The following TCP1 variants were observed in gnomAD, a reference collection of about 807,000 sequenced individuals.
TCP1 encodes the protein T-complex protein 1 subunit alpha.
In TCP1, 6 loss-of-function variants were observed where a neutral mutation model predicts 54.7. The ratio of observed to expected loss-of-function variants is 0.11; its 90% CI spans 0.06 to 0.22. The LOEUF (loss-of-function observed/expected upper bound fraction) is 0.22, where lower values mean the gene tolerates loss of function less well. Ranked by LOEUF, TCP1 falls within the 10% of genes least tolerant of loss-of-function variation. The pLI is 1.00. For synonymous variants in TCP1, 225 were observed against 229.7 expected, an observed-to-expected ratio of 0.98 and a Z score of 0.19; for missense variants, 511 against 678.2, an observed-to-expected ratio of 0.75 and a Z score of 2.74.
rs372982294 is a variant in TCP1 at position 159,780,543 on chromosome 6, T to C, written c.997A>G (p.Asn333Asp). The part of the protein sequence containing the change: ...SGATILSTLA[N>D]LEGEETFEAA... ...TCAAAAGTTTCTTCACCTTCCAAATTGGCCAGGGTTGACAGAATAGTTGCT... is the reference window on the plus strand; with the variant it reads ...TCAAAAGTTTCTTCACCTTCCAAATCGGCCAGGGTTGACAGAATAGTTGCT... Residue 333 changes from asparagine to aspartate, a missense_variant, in exon 9 of 12, where the codon AAT (asparagine) becomes GAT (aspartate). By Grantham distance (23) the Asn-to-Asp change is conservative (BLOSUM62 1). This residue lies in a region of TCP1 where 305 missense variants were observed against 352.8 expected (regional missense o/e 0.86). Coordinates refer to ENST00000321394, the MANE Select transcript of TCP1 (RefSeq NM_030752.3). 6.2e-7 allele frequency: 1 copy of C among 1,613,750 alleles called. No homozygotes were observed.
At chr6:159,787,151 G>A (rs1780719074) in intron 3 of TCP1, among the ~76,000 whole-genome samples, 1 of 151,814 alleles carries the variant, frequency 6.6e-6, no homozygotes, top group Non-Finnish European at 1.5e-5. Flanking sequence ...CACTCTGGGA[G>A]GCTAAGGCAG....
chr6:159,788,270 T>C, intron 1 of TCP1, 127 bp from the exon 2 acceptor site: 1 of 869,482 alleles, frequency 1.2e-6, no homozygotes, highest in Middle Eastern at 2.2e-4. Context: ...CAAATCTGTG[T>C]TAATTATTTA....
intron 1 of TCP1, chr6:159,788,440 G>C (rs946237290): frequency 3.2e-6 from 1 of 316,664 alleles, no homozygotes; most frequent in Non-Finnish European, 6.1e-6. Flanking sequence ...TAAAAACAAA[G>C]CCGGATGCGG....
chr6:159,780,132 A>AT lies in TCP1; in HGVS notation c.1098-46dup, dbSNP rs752669563. On this transcript the variant is annotated intron_variant, in intron 9 of 11. Coordinates refer to ENST00000321394, the MANE Select transcript of TCP1 (RefSeq NM_030752.3). ...AATTCTTGTAATAGCATTTTTAAAA[A>AT]TTTTTTTTTGCCAAGACCATCAATT... 5.9e-5 allele frequency: 93 copies of AT among 1,569,340 alleles called. No homozygotes were observed. In the South Asian group the frequency reaches 6.0e-4, roughly 10 times the overall value.
rs1243753656 is a variant in TCP1 at position 159,778,813 on chromosome 6, G to A, written c.*232C>T. ...GGGGGTGGGATGGGAATAGCAATGT[G>A]TGTTCAGAGAGAATGAATTGCTTAA... is the stretch of plus-strand genomic sequence containing the variant. On this transcript the variant is annotated 3_prime_UTR_variant, in exon 12 of 12. Transcript: ENST00000321394. The A allele has an allele frequency of 1.2e-6, 2 of 1,614,180 alleles. No individual in the cohort carries two copies. The highest frequency in any genetic ancestry group is 1.7e-6 in the Non-Finnish European group (2 of 1,180,036).
At chr6:159,784,317 T>G (rs1323523156) in intron 6 of TCP1, among the ~76,000 whole-genome samples, 1 of 151,870 alleles carries the variant, frequency 6.6e-6, no homozygotes, top group Non-Finnish European at 1.5e-5. Flanking sequence ...ATTTTTTTTT[T>G]TTTTTGAGAC....
chr6:159,788,003 A>G (rs1370215578), intron 2 of TCP1, 55 bp downstream of exon 2: 9 of 1,609,174 alleles, frequency 5.6e-6, no homozygotes, highest in Non-Finnish European at 7.7e-6. Flanking sequence ...ACATAGCAAA[A>G]CACTGAAGAT....
chr6:159,784,900 A>T (rs1489559632), intron 5 of TCP1, 53 bp from the exon 6 acceptor site: 7 of 1,574,788 alleles, frequency 4.4e-6, no homozygotes, highest in Non-Finnish European at 6.1e-6. Context: ...AAGGGTACAC[A>T]CGTGAAAAAT....
Position 159,785,482 on chromosome 6 carries a change from T to C in TCP1, c.392A>G (p.Tyr131Cys). 3 of 1,613,216 alleles carry C rather than the reference T, an allele frequency of 1.9e-6. No homozygotes were observed. Among genetic ancestry groups the C allele is most frequent in the Non-Finnish European group, 2.5e-6 (3 of 1,179,394 alleles). The change falls in exon 5 of 12, where the codon TAT (tyrosine) becomes TGT (cysteine). Residue 131 changes from tyrosine (Y) to cysteine (C), a missense_variant. By Grantham distance (194) the Tyr-to-Cys change is radical (BLOSUM62 -2). Transcript: ENST00000321394. ...GTTAACAATTAGGTTTTCATTGATA[T>C]AACGCACTGCTTCCCTGTTTAAAAG... ...YRLACKEAVRYINENLIVNTD... is the reference protein window; with the variant it reads ...YRLACKEAVRCINENLIVNTD...
At chr6:159,789,088 G>A (rs899800648) in intron 1 of TCP1, 8 of 404,998 alleles carry the variant, frequency 2.0e-5, no homozygotes, top group African/African-American at 1.7e-4. Flanking sequence ...GGGGGTGCGA[G>A]GCGTGGCCCG....
intron 8 of TCP1, 95 bp from the exon 9 acceptor site, chr6:159,780,661 A>G: frequency 6.7e-7 from 1 of 1,486,658 alleles, no homozygotes; most frequent in Non-Finnish European, 9.1e-7. Context: ...GTGCTATATT[A>G]CAAGTTTAGA....
At chr6:159,787,198 G>A (rs1241491790) in intron 3 of TCP1, among the ~76,000 whole-genome samples, 2 of 152,120 alleles carry the variant, frequency 1.3e-5, no homozygotes, top group African/African-American at 2.4e-5. Flanking sequence ...AGGCTGCAGT[G>A]AGATATGACA....
intron 1 of TCP1, chr6:159,788,454 C>T (rs762055750): frequency 3.3e-5 from 10 of 302,654 alleles, no homozygotes; most frequent in Non-Finnish European, 6.4e-5. Context: ...GATGCGGCGG[C>T]GCGGACCTGT....
chr6:159,779,797 AAAG>A lies in TCP1; in HGVS notation c.1291-10_1291-8del, dbSNP rs1424587778. On this transcript the variant is annotated splice_polypyrimidine_tract_variant and splice_region_variant and intron_variant, in intron 10 of 11. Transcript: ENST00000321394. ...CAAGCTGTTCCCGAGACCCCTAGGA[AAAG>A]AAGAAAATTAGGTGACTTCACAAAA... 5 of 1,588,094 alleles carry A rather than the reference AAAG, an allele frequency of 3.1e-6. No individual in the cohort carries two copies. In the African/African-American group the frequency reaches 6.9e-5, roughly 22 times the overall value.
chr6:159,787,259 T>C (rs571840706), intron 3 of TCP1, among the ~76,000 whole-genome samples: 3 of 152,036 alleles, frequency 2.0e-5, no homozygotes, highest in Non-Finnish European at 4.4e-5. Context: ...AAAATAATAA[T>C]ATAAAAACAT....
intron 11 of TCP1, 62 bp downstream of exon 11, chr6:159,779,565 A>C: frequency 1.3e-6 from 2 of 1,529,534 alleles, no homozygotes; most frequent in Non-Finnish European, 1.8e-6. Context: ...GTAATTGACT[A>C]CTATCCTTTT....
chr6:159,778,525 T>C lies in TCP1; in HGVS notation c.*520A>G. 9.9e-7 allele frequency: 1 copy of C among 1,010,312 alleles called. No homozygotes were observed. 62.6% of individuals were successfully genotyped at this position (1,010,312 alleles called of 1,614,324 possible). On this transcript the variant is annotated 3_prime_UTR_variant, in exon 12 of 12. Coordinates refer to ENST00000321394, the MANE Select transcript of TCP1 (RefSeq NM_030752.3). ...AATTTTCACAAAGGTGTAAATTTAT[T>C]CCTAAGCAGTTAAAATGAAAATTTG... is the stretch of plus-strand genomic sequence containing the variant.
intron 4 of TCP1, 185 bp downstream of exon 4, chr6:159,785,715 G>A: frequency 3.8e-6 from 3 of 785,008 alleles, no homozygotes; most frequent in Non-Finnish European, 6.8e-6. Flanking sequence ...AGGAGAAAAT[G>A]TGGTAGTCAA....
Position 159,782,245 on chromosome 6 carries a change from AGATC to A in TCP1, c.798-1139_798-1136del, listed in dbSNP as rs199648644. On this transcript the variant is annotated intron_variant, in intron 7 of 11. Transcript: ENST00000321394. ...TCAATATGAGTGAAGCCATGTGAAT[AGATC>A]ATTCGAAGAATTTTTAAAGTAAAAT... Among the ~76,000 whole-genome samples the A allele has an allele frequency of 6.3e-3, 958 of 152,350 alleles. 11 individuals carry two copies. The highest frequency in any genetic ancestry group is 0.022 in the African/African-American group (924 of 41,580).
Sources: allele counts gnomAD v4.1 joint callset (sites outside exome capture counted in the v4.1 genomes callset), GRCh38; gene constraint gnomAD v4.1.1; regional missense constraint gnomAD v4.1.1; transcripts MANE v1.5; gene names NCBI Gene and HGNC (gene_info 2026-07-23, HGNC 2026-07-21).